The following CACNA1D variants were observed in gnomAD, a reference collection of about 807,000 sequenced individuals.
CACNA1D encodes the protein voltage-dependent L-type calcium channel subunit alpha-1D.
In CACNA1D, 55 loss-of-function variants were observed where a neutral mutation model predicts 257.1. The ratio of observed to expected loss-of-function variants is 0.21; its 90% CI spans 0.17 to 0.27. The LOEUF (loss-of-function observed/expected upper bound fraction) is 0.27, where lower values mean the gene tolerates loss of function less well. CACNA1D is among the 10% of genes least tolerant of loss of function. The pLI is 1.00. For missense variants in CACNA1D, 1,876 were observed against 2,784.0 expected (o/e 0.67, Z 7.34); for synonymous variants, 980 against 1,014.9 (o/e 0.97, Z 0.65).
chr3:53,812,050 A>G lies in CACNA1D; in HGVS notation c.*644A>G, dbSNP rs10490844. On this transcript the variant is annotated 3_prime_UTR_variant, in exon 48 of 48. Coordinates refer to ENST00000350061, the MANE Select transcript of CACNA1D (RefSeq NM_001128840.3). ...GTTTACATAAGAGAATATCACTCCG[A>G]TGGTCGGTTTCTGACTGTCACGCTA... is the stretch of plus-strand genomic sequence containing the variant. The G allele has an allele frequency of 0.026, 3,961 of 152,484 alleles. 109 individuals are homozygous for G. The highest frequency in any genetic ancestry group is 0.15 in the East Asian group (754 of 5,178). The allele number at this position is 152,484 out of a possible 1,614,324, so 9.4% of individuals were successfully genotyped here. A position where few individuals can be genotyped will look rare whatever the true frequency, so the allele number is the denominator to read the frequency against.
rs556102847 is a variant in CACNA1D, at chr3:53,506,333, C to T, written c.483+4613C>T. Among the ~76,000 whole-genome samples, 20 of 152,304 alleles carry T rather than the reference C, an allele frequency of 1.3e-4. No homozygotes were observed. The South Asian group carries it at 4.1e-3, about 32-fold the overall frequency. On this transcript the variant is annotated intron_variant, in intron 3 of 47. Transcript: ENST00000350061. ...CAGTCCAACTCTCCTGTACAGACAC[C>T]AGCCCCTTTCCCCTGGTTTATAACT... is the stretch of plus-strand genomic sequence containing the variant.
At chr3:53,619,137 G>C (rs2093668520) in intron 3 of CACNA1D, among the ~76,000 whole-genome samples, 1 of 152,102 alleles carries the variant, frequency 6.6e-6, no homozygotes, top group Non-Finnish European at 1.5e-5. Context: ...CCAATAAAAC[G>C]GGCACACCCC....
chr3:53,595,712 T>A (rs2093361636), intron 3 of CACNA1D, among the ~76,000 whole-genome samples: 1 of 152,122 alleles, frequency 6.6e-6, no homozygotes, highest in Non-Finnish European at 1.5e-5. Context: ...TAGAATGCAG[T>A]TGAAGTTGCA....
At chr3:53,636,907 A>T (rs1449577026) in intron 3 of CACNA1D, among the ~76,000 whole-genome samples, 1 of 152,252 alleles carries the variant, frequency 6.6e-6, no homozygotes, top group Non-Finnish European at 1.5e-5. Flanking sequence ...TCAACGGTTA[A>T]GGTGACTTGT....
At chr3:53,810,375 A>G in intron 47 of CACNA1D, 77 bp downstream of exon 47, 1 of 1,433,036 alleles carries the variant, frequency 7.0e-7, no homozygotes, top group Non-Finnish European at 9.8e-7. Flanking sequence ...CAGGAAGGGC[A>G]GTGGTGGGAG....
intron 4 of CACNA1D, among the ~76,000 whole-genome samples, chr3:53,657,761 G>A (rs959840439): frequency 2.0e-5 from 3 of 152,196 alleles, no homozygotes; most frequent in African/African-American, 7.2e-5. Flanking sequence ...ACTACAGTCT[G>A]TATCTCAATC....
intron 10 of CACNA1D, among the ~76,000 whole-genome samples, chr3:53,719,034 T>TG (rs1203055633): frequency 3.4e-5 from 4 of 116,408 alleles, no homozygotes; most frequent in African/African-American, 1.5e-4. Flanking sequence ...GCGGGGGGGC[T>TG]GGGGGGGACC....
chr3:53,762,655 C>T, intron 30 of CACNA1D: 2 of 456,520 alleles, frequency 4.4e-6, no homozygotes, highest in South Asian at 1.5e-5. Context: ...AACTTTGTGT[C>T]CTATATCATG....
chr3:53,554,492 A>G (rs1394976891), intron 3 of CACNA1D, among the ~76,000 whole-genome samples: 1 of 152,188 alleles, frequency 6.6e-6, no homozygotes, highest in Non-Finnish European at 1.5e-5. Flanking sequence ...GATGAGTTCA[A>G]GGGGCTCCCT....
chr3:53,775,639 T>C (rs933239719), intron 34 of CACNA1D, among the ~76,000 whole-genome samples: 1 of 151,608 alleles, frequency 6.6e-6, no homozygotes, highest in Non-Finnish European at 1.5e-5. Flanking sequence ...TCCATTTATA[T>C]GCAGACAGTT....
intron 29 of CACNA1D, among the ~76,000 whole-genome samples, chr3:53,759,918 T>C (rs889722358): frequency 6.6e-6 from 1 of 152,250 alleles, no homozygotes; most frequent in African/African-American, 2.4e-5. Flanking sequence ...CCAAGAATCA[T>C]GAATTCATGC....
At chr3:53,618,968 A>G (rs1350714746) in intron 3 of CACNA1D, among the ~76,000 whole-genome samples, 1 of 152,140 alleles carries the variant, frequency 6.6e-6, no homozygotes, top group Non-Finnish European at 1.5e-5. Context: ...GGGATGATGC[A>G]CTTGTACCCC....
At chr3:53,672,440 G>T (rs546258039) in intron 7 of CACNA1D, among the ~76,000 whole-genome samples, 2 of 152,300 alleles carry the variant, frequency 1.3e-5, no homozygotes, top group South Asian at 4.1e-4. Flanking sequence ...TCTAAGGTGG[G>T]TTTGGTTTCC....
rs550319199 is a variant in CACNA1D at position 53,541,793 on chromosome 3, G to A, written c.483+40073G>A. On this transcript the variant is annotated intron_variant, in intron 3 of 47. Transcript: ENST00000350061. ...TTGTCTTCAAGCAGATTACTGTCGC[G>A]TAGGGGAGTTGTGATGTAGTGTATT... 1.3e-4 allele frequency among the ~76,000 whole-genome samples: 20 copies of A among 152,250 alleles called. No homozygotes were observed. The South Asian group carries it at 3.7e-3, about 28-fold the overall frequency.
chr3:53,722,235 A>T, intron 11 of CACNA1D, 79 bp from the exon 12 acceptor site: 2 of 1,551,882 alleles, frequency 1.3e-6, no homozygotes, highest in South Asian at 1.1e-5. Context: ...GTGAAAGCCA[A>T]ATTATCTCTC....
At chr3:53,802,030 G>A (rs1228453321) in intron 42 of CACNA1D, 117 bp from the exon 43 acceptor site, 17 of 896,710 alleles carry the variant, frequency 1.9e-5, no homozygotes, top group Admixed American at 1.0e-4. Flanking sequence ...TGTGGATGGC[G>A]AATCATAATT....
At chr3:53,588,213 G>T (rs1055101576) in intron 3 of CACNA1D, among the ~76,000 whole-genome samples, 1 of 152,172 alleles carries the variant, frequency 6.6e-6, no homozygotes, top group Non-Finnish European at 1.5e-5. Flanking sequence ...CCCTCAGAGG[G>T]TTGTCCTCCT....
At chr3:53,710,911 A>G (rs1426155953) in intron 9 of CACNA1D, among the ~76,000 whole-genome samples, 3 of 152,140 alleles carry the variant, frequency 2.0e-5, no homozygotes, top group East Asian at 1.9e-4. Flanking sequence ...GCCCAGGACT[A>G]TGCCAAAGCT....
chr3:53,513,129 G>A (rs1263819481), intron 3 of CACNA1D, among the ~76,000 whole-genome samples: 1 of 152,204 alleles, frequency 6.6e-6, no homozygotes, highest in East Asian at 1.9e-4. Flanking sequence ...TGGAGGCACA[G>A]TGGTTATTGC....
Sources: gnomAD v4.1 joint callset for allele counts (sites outside exome capture counted in the v4.1 genomes callset) on GRCh38, gnomAD v4.1.1 for gene constraint, MANE v1.5 for transcripts, NCBI Gene and HGNC (gene_info 2026-07-23, HGNC 2026-07-21) for gene names.